The following ABCC9 variants were observed in gnomAD, a reference collection of about 807,000 sequenced individuals.
ABCC9 encodes the protein ATP-binding cassette sub-family C member 9.
ABCC9 carries 95 observed loss-of-function variants against 188.3 expected under a neutral mutation model. The ratio of observed to expected loss-of-function variants is 0.50; its 90% CI spans 0.43 to 0.60. The LOEUF (loss-of-function observed/expected upper bound fraction) is 0.60, where lower values mean the gene tolerates loss of function less well. ABCC9 is among the 20% of genes least tolerant of loss of function. The pLI is 0.00. For synonymous variants in ABCC9, 659 were observed against 652.7 expected, an observed-to-expected ratio of 1.01 and a Z score of -0.15; for missense variants, 1,102 against 1,876.3, an observed-to-expected ratio of 0.59 and a Z score of 7.62.
chr12:21,851,502 T>A (rs1944962992), intron 24 of ABCC9, among the ~76,000 whole-genome samples: 1 of 152,218 alleles, frequency 6.6e-6, no homozygotes, highest in Non-Finnish European at 1.5e-5. Context: ...TGCTTATTTG[T>A]CAGGAGTTTG....
chr12:21,840,637 A>G (rs928710880), intron 29 of ABCC9, among the ~76,000 whole-genome samples: 1 of 152,200 alleles, frequency 6.6e-6, no homozygotes, highest in East Asian at 1.9e-4. Flanking sequence ...GTGATGAAAT[A>G]ACTCTGAACA....
Position 21,814,628 on chromosome 12 carries a change from T to A in ABCC9, c.4102+16A>T. ...AGCACCAAGTGGCCACTTAAAAAAT[T>A]TAGTTAGCAACTCACCATCAAATAT... On this transcript the variant is annotated intron_variant, in intron 35 of 39. Coordinates refer to ENST00000261200, the MANE Select transcript of ABCC9 (RefSeq NM_020297.4). 1 of 1,612,334 alleles carries A rather than the reference T, an allele frequency of 6.2e-7. No homozygotes were observed. The highest frequency in any genetic ancestry group is 1.1e-5 in the South Asian group (1 of 91,040).
chr12:21,861,253 CA>C (rs1156817749), intron 20 of ABCC9, among the ~76,000 whole-genome samples, 198 bp from the exon 21 acceptor site: 1 of 137,608 alleles, frequency 7.3e-6, no homozygotes, highest in Non-Finnish European at 1.5e-5. Flanking sequence ...TTTTTGAAGA[CA>C]GAGTCTTACT....
chr12:21,938,255 C>A (rs1949570920), intron 2 of ABCC9, among the ~76,000 whole-genome samples: 1 of 152,104 alleles, frequency 6.6e-6, no homozygotes, highest in South Asian at 2.1e-4. Flanking sequence ...TCCTGATAAG[C>A]TCTTTTTATA....
At position 21,908,116 on chromosome 12, in the gene ABCC9, A is replaced by G. The variant is rs777308898; in HGVS notation, c.1416T>C (p.Phe472=). ...GAGCCTCTGCCAACTTTGTAGCAAT[A>G]AAGTACTGAATTGGCGCAAGGAGCA... The part of the protein sequence containing the change: ...VIVLLAPIQY[F]IATKLAEAQK... The change falls in exon 11 of 40, where the codon TTT becomes TTC. Residue 472 remains phenylalanine, a synonymous_variant. Transcript: ENST00000261200. The G allele has an allele frequency of 3.0e-5, 49 of 1,612,512 alleles. No homozygotes were observed. Among genetic ancestry groups the G allele is most frequent in the Non-Finnish European group, 3.9e-5 (46 of 1,179,052 alleles).
At chr12:21,928,531 C>T (rs1192649271) in intron 4 of ABCC9, among the ~76,000 whole-genome samples, 2 of 152,056 alleles carry the variant, frequency 1.3e-5, no homozygotes, top group African/African-American at 4.8e-5. Context: ...AAAGTGAGCA[C>T]ACTCCCTATC....
At chr12:21,848,057 G>A in intron 25 of ABCC9, 93 bp downstream of exon 25, 2 of 1,094,018 alleles carry the variant, frequency 1.8e-6, no homozygotes, top group Non-Finnish European at 2.8e-6. Context: ...TGGCAAAGTG[G>A]CTTATTATTC....
chr12:21,837,462 T>G (rs1005627198), intron 30 of ABCC9, among the ~76,000 whole-genome samples: 2 of 152,196 alleles, frequency 1.3e-5, no homozygotes, highest in Admixed American at 1.3e-4. Context: ...ATTTTCTAGA[T>G]TAAATGAAAT....
intron 18 of ABCC9, 37 bp downstream of exon 18, chr12:21,872,588 T>C (rs1057382433): frequency 2.1e-6 from 3 of 1,431,984 alleles, no homozygotes; most frequent in Non-Finnish European, 2.0e-6. Context: ...ATCAGATGTA[T>C]GACATAGCAA....
chr12:21,838,597 G>A (rs1262504348), intron 29 of ABCC9, among the ~76,000 whole-genome samples: 2 of 152,154 alleles, frequency 1.3e-5, no homozygotes, highest in Non-Finnish European at 2.9e-5. Flanking sequence ...GAAGAATCTT[G>A]CAAGTTCAAT....
At chr12:21,882,915 A>T (rs568229322) in intron 15 of ABCC9, 42 bp from the exon 16 acceptor site, 40 of 1,516,518 alleles carry the variant, frequency 2.6e-5, no homozygotes, top group South Asian at 1.1e-4. Flanking sequence ...AGGCTTTATT[A>T]AAAAAATGAA....
chr12:21,847,224 A>G (rs1027280671), intron 25 of ABCC9, among the ~76,000 whole-genome samples: 1 of 152,186 alleles, frequency 6.6e-6, no homozygotes, highest in Non-Finnish European at 1.5e-5. Flanking sequence ...CACTGAACAG[A>G]ATAATTGGGT....
chr12:21,860,117 C>T (rs1197292160), intron 21 of ABCC9, among the ~76,000 whole-genome samples: 1 of 152,020 alleles, frequency 6.6e-6, no homozygotes, highest in Non-Finnish European at 1.5e-5. Flanking sequence ...ATTAATTGAC[C>T]TCTTAGTATG....
intron 39 of ABCC9, 132 bp downstream of exon 39, chr12:21,805,866 T>G: frequency 3.2e-6 from 3 of 925,446 alleles, no homozygotes. Flanking sequence ...TTTTTTCTTT[T>G]TTGCACAGAT....
rs1033050377 is a variant in ABCC9, at chr12:21,805,448, T to C, written c.4512+550A>G. 6.6e-6 allele frequency: 5 copies of C among 756,342 alleles called. No homozygotes were observed. In the African/African-American group the frequency reaches 7.0e-5, roughly 11 times the overall value. The allele number at this position is 756,342 out of a possible 1,614,324, so 46.9% of individuals were successfully genotyped here. Reference sequence around the variant, plus strand: ...TTGCAAAGAGGAAAAGGCAGAAAACTGTGGACTACTGTAAGTGAGCTATAA... The same window carrying C: ...TTGCAAAGAGGAAAAGGCAGAAAACCGTGGACTACTGTAAGTGAGCTATAA... On this transcript the variant is annotated intron_variant, in intron 39 of 39. Transcript: ENST00000261200.
chr12:21,812,113 G>A lies in ABCC9; in HGVS notation c.4147C>T (p.His1383Tyr), dbSNP rs768084482. ...DGIDISKLPL[H>Y]TLRSRLSIIL... ...ATTGAAAGTCTAGAACGTAGTGTGT[G>A]CAGTGGTAATTTGGAAATGTCTATC... is the stretch of plus-strand genomic sequence containing the variant. Residue 1383 changes from histidine to tyrosine, a missense_variant, in exon 36 of 40, where the codon CAC becomes TAC. Physicochemically the swap from His to Tyr is moderately conservative, Grantham distance 83. This residue lies in a region of ABCC9 where 67 missense variants were observed against 101.0 expected (regional missense o/e 0.66). Coordinates refer to ENST00000261200, the MANE Select transcript of ABCC9 (RefSeq NM_020297.4). The A allele has an allele frequency of 6.2e-6, 10 of 1,613,310 alleles. No homozygotes were observed. In the Admixed American group the frequency reaches 1.5e-4, roughly 24 times the overall value.
intron 11 of ABCC9, 46 bp downstream of exon 11, chr12:21,908,031 A>G (rs1369787391): frequency 6.3e-7 from 1 of 1,591,316 alleles, no homozygotes; most frequent in African/African-American, 1.4e-5. Flanking sequence ...AAATTAAAAC[A>G]GCATTTCTCA....
rs150946311 is a variant in ABCC9, at chr12:21,939,218, G to A, written c.-21+1492C>T. 1.2e-3 allele frequency among the ~76,000 whole-genome samples: 183 copies of A among 152,142 alleles called. 1 individual carries two copies. Among genetic ancestry groups the A allele is most frequent in the South Asian group, 3.7e-3 (18 of 4,826 alleles). ...AAACTCTAACTTCACATTTCCGGCC[G>A]GCTCTGAACCTGTGCATTACCTTAC... On this transcript the variant is annotated intron_variant, in intron 2 of 39. Coordinates refer to ENST00000261200, the MANE Select transcript of ABCC9 (RefSeq NM_020297.4).
intron 7 of ABCC9, among the ~76,000 whole-genome samples, 154 bp downstream of exon 7, chr12:21,915,514 A>ATATATTTTTTTTTTTTTTTT: frequency 5.7e-4 from 2 of 3,520 alleles, no homozygotes; most frequent in Non-Finnish European, 9.3e-4. Context: ...ATATATATAT[A>ATATATTTTTTTTTTTTTTTT]TTTTTTTTTT....
Sources: gnomAD v4.1 joint callset for allele counts (sites outside exome capture counted in the v4.1 genomes callset) on GRCh38, gnomAD v4.1.1 for gene constraint, gnomAD v4.1.1 regional missense constraint, MANE v1.5 for transcripts, NCBI Gene and HGNC (gene_info 2026-07-23, HGNC 2026-07-21) for gene names.